The following EYS variants were observed in gnomAD, a reference collection of about 807,000 sequenced individuals.
EYS encodes the protein EGF-like photoreceptor maintenance factor.
A neutral mutation model predicts 282.1 loss-of-function variants in EYS; 250 were observed. That is an observed-to-expected ratio of 0.89 (90% CI 0.80 to 0.98). The LOEUF (loss-of-function observed/expected upper bound fraction) is 0.98. Among genes scored for constraint, EYS ranks in the 50% least tolerant of loss-of-function variants. The probability of loss-of-function intolerance (pLI) is 0.00; values close to 1 mark genes in which losing one functional copy is unlikely to be tolerated. For synonymous variants in EYS, 1,355 were observed against 1,282.9 expected (o/e 1.06, Z -1.20); for missense variants, 4,016 against 3,709.0 (o/e 1.08, Z -2.15).
chr6:65,204,779 T>G (rs1582014680), intron 12 of EYS, among the ~76,000 whole-genome samples: 1 of 151,274 alleles, frequency 6.6e-6, no homozygotes, highest in Admixed American at 6.6e-5. Flanking sequence ...AGCCTAAACA[T>G]TCTACATTCC....
chr6:64,865,738 G>A (rs1191401515), intron 19 of EYS, among the ~76,000 whole-genome samples: 1 of 152,052 alleles, frequency 6.6e-6, no homozygotes, highest in African/African-American at 2.4e-5. Flanking sequence ...TAGAAACACA[G>A]ATATCTGTTG....
At chr6:63,769,022 A>C (rs1262604600) in intron 40 of EYS, among the ~76,000 whole-genome samples, 1 of 152,172 alleles carries the variant, frequency 6.6e-6, no homozygotes, top group Non-Finnish European at 1.5e-5. Flanking sequence ...CTGAACAATG[A>C]GTACATATGG....
At chr6:65,624,098 C>A (rs1349298032) in intron 2 of EYS, among the ~76,000 whole-genome samples, 1 of 152,150 alleles carries the variant, frequency 6.6e-6, no homozygotes, top group South Asian at 2.1e-4. Flanking sequence ...TATTACAGTT[C>A]AAGAATCTGA....
intron 22 of EYS, among the ~76,000 whole-genome samples, chr6:64,676,351 T>TATCTATATATATAGAG (rs1554192088): frequency 4.8e-5 from 7 of 145,462 alleles, no homozygotes; most frequent in Non-Finnish European, 4.5e-5. Context: ...TATATATATA[T>TATCTATATATATAGAG]AGAGAGAGAG....
intron 5 of EYS, among the ~76,000 whole-genome samples, chr6:65,439,156 A>G (rs1768201501): frequency 6.6e-6 from 1 of 152,014 alleles, no homozygotes; most frequent in African/African-American, 2.4e-5. Context: ...TCAAATTCAG[A>G]TGGTTGTAGA....
intron 28 of EYS, among the ~76,000 whole-genome samples, chr6:64,411,925 G>GTATATATGTTTATATATGCATACATA (rs1561980315): frequency 2.6e-5 from 3 of 117,384 alleles, no homozygotes; most frequent in Non-Finnish European, 1.9e-5. Flanking sequence ...ATGCATGCAT[G>GTATATATGTTTATATATGCATACATA]TATGTATATA....
At chr6:64,041,002 CAAG>C (rs1284509781) in intron 33 of EYS, among the ~76,000 whole-genome samples, 1 of 152,114 alleles carries the variant, frequency 6.6e-6, no homozygotes, top group Non-Finnish European at 1.5e-5. Flanking sequence ...AGAATAGACT[CAAG>C]AGAAGGTATT....
intron 5 of EYS, among the ~76,000 whole-genome samples, chr6:65,476,987 C>T: frequency 6.6e-6 from 1 of 152,032 alleles, no homozygotes; most frequent in Non-Finnish European, 1.5e-5. Flanking sequence ...CTAATCAAAT[C>T]AACATTCTAA....
At chr6:64,756,900 T>A in intron 22 of EYS, among the ~76,000 whole-genome samples, 1 of 150,954 alleles carries the variant, frequency 6.6e-6, no homozygotes, top group South Asian at 2.1e-4. Flanking sequence ...TTTTTTTTTT[T>A]AACAGATGTG....
chr6:64,239,744 A>ATT (rs1766734605), intron 30 of EYS, among the ~76,000 whole-genome samples: 1 of 151,786 alleles, frequency 6.6e-6, no homozygotes, highest in Non-Finnish European at 1.5e-5. Context: ...GCTGTGCTGA[A>ATT]GCTCTTTAGT....
chr6:65,534,312 G>T (rs1048853028), intron 2 of EYS, among the ~76,000 whole-genome samples: 4 of 152,088 alleles, frequency 2.6e-5, no homozygotes, highest in African/African-American at 9.7e-5. Context: ...AAAAGGTCAA[G>T]AATATTTTGT....
chr6:64,549,712 C>A (rs1765004108), intron 26 of EYS, among the ~76,000 whole-genome samples: 1 of 151,150 alleles, frequency 6.6e-6, no homozygotes, highest in South Asian at 2.1e-4. Flanking sequence ...ACTCCTTACG[C>A]CTTCCTACAG....
chr6:65,412,298 A>G (rs1240437047), intron 5 of EYS, among the ~76,000 whole-genome samples: 1 of 152,170 alleles, frequency 6.6e-6, no homozygotes, highest in Non-Finnish European at 1.5e-5. Context: ...ACACAAATAA[A>G]GCTACCACGA....
rs887028901 is a variant in EYS, at chr6:64,672,302, T to C, written c.3444-46057A>G. On this transcript the variant is annotated intron_variant, in intron 22 of 42. Transcript: ENST00000503581. ...TGCAAGACTCAAATGCATTAGCCTA[T>C]CACGGAAAAACACAAGACCTTTGTT... Among the ~76,000 whole-genome samples, 4 of 152,314 alleles carry C rather than the reference T, an allele frequency of 2.6e-5. No individual in the cohort carries two copies. The East Asian group carries it at 7.7e-4, about 29-fold the overall frequency.
intron 16 of EYS, among the ~76,000 whole-genome samples, chr6:64,903,507 A>G (rs1256510345): frequency 6.6e-6 from 1 of 152,162 alleles, no homozygotes. Flanking sequence ...TCTTCCTTTT[A>G]CAGTACATGT....
chr6:64,318,320 A>C (rs965059268), intron 29 of EYS, among the ~76,000 whole-genome samples: 4 of 152,148 alleles, frequency 2.6e-5, no homozygotes, highest in Middle Eastern at 3.4e-3. Context: ...TGATGGCTTT[A>C]GCTCTCATTC....
chr6:64,319,744 C>G (rs554238731), intron 29 of EYS, among the ~76,000 whole-genome samples: 1 of 151,370 alleles, frequency 6.6e-6, no homozygotes. Context: ...GATAGATAGA[C>G]AGACAGACAG....
chr6:64,615,741 T>C (rs583321), intron 24 of EYS, among the ~76,000 whole-genome samples: 7,351 of 152,178 alleles, frequency 0.048, 570 homozygotes, highest in African/African-American at 0.17. Flanking sequence ...AAACATTATC[T>C]CTTGCTATGA....
At chr6:64,640,682 C>A (rs1768111911) in intron 22 of EYS, among the ~76,000 whole-genome samples, 1 of 151,934 alleles carries the variant, frequency 6.6e-6, no homozygotes, top group Non-Finnish European at 1.5e-5. Flanking sequence ...AACTAACCTG[C>A]ACATTGTGCA....
Sources: gnomAD v4.1 joint callset for allele counts (sites outside exome capture counted in the v4.1 genomes callset) on GRCh38, gnomAD v4.1.1 for gene constraint, MANE v1.5 for transcripts, NCBI Gene and HGNC (gene_info 2026-07-23, HGNC 2026-07-21) for gene names.